PDE4B: variants seen among roughly 807,000 people sequenced by gnomAD.
The protein encoded by PDE4B is phosphodiesterase 4B.
In PDE4B, 20 loss-of-function variants were observed where a neutral mutation model predicts 82.2. That is an observed-to-expected ratio of 0.24 (90% CI 0.17 to 0.35). The LOEUF is 0.35. PDE4B is among the 10% of genes least tolerant of loss of function. The probability of loss-of-function intolerance (pLI) is 1.00; values close to 1 mark genes in which losing one functional copy is unlikely to be tolerated. For synonymous variants in PDE4B, 320 were observed against 318.9 expected, an observed-to-expected ratio of 1.00 and a Z score of -0.04; for missense variants, 655 against 907.2, an observed-to-expected ratio of 0.72 and a Z score of 3.57.
At position 66,099,088 on chromosome 1, in the gene PDE4B, G is replaced by A. The variant is rs137955165; in HGVS notation, c.282-148372G>A. The stretch of plus-strand genomic sequence containing the variant: ...GTGCAGGTTTGTTACATAGGTAAAC[G>A]TGTGCTATGGTGGTTTGCTGCACCT... On this transcript the variant is annotated intron_variant, in intron 3 of 16. Transcript: ENST00000341517. Among the ~76,000 whole-genome samples, 87 of 152,206 alleles carry A rather than the reference G, an allele frequency of 5.7e-4. 1 individual carries two copies. Among genetic ancestry groups the A allele is most frequent in the East Asian group, 2.1e-3 (11 of 5,178 alleles).
chr1:66,162,305 C>CTTTTT (rs1168144080), intron 3 of PDE4B, among the ~76,000 whole-genome samples: 1,028 of 39,594 alleles, frequency 0.026, 164 homozygotes, highest in Non-Finnish European at 0.039. Flanking sequence ...ATGGACTTCT[C>CTTTTT]TTTTTTTTTT....
chr1:65,840,670 T>C (rs1010967659), intron 1 of PDE4B, among the ~76,000 whole-genome samples: 6 of 152,198 alleles, frequency 3.9e-5, no homozygotes, highest in African/African-American at 1.2e-4. Context: ...CTCAGATCGT[T>C]AGCTACGAGA....
intron 8 of PDE4B, among the ~76,000 whole-genome samples, chr1:66,347,953 A>C (rs1297290672): frequency 6.6e-6 from 1 of 152,196 alleles, no homozygotes; most frequent in African/African-American, 2.4e-5. Context: ...TTTGAGTGGT[A>C]GTTTCCCTGT....
At chr1:66,291,138 A>G (rs1317271934) in intron 7 of PDE4B, among the ~76,000 whole-genome samples, 2 of 152,174 alleles carry the variant, frequency 1.3e-5, no homozygotes, top group Non-Finnish European at 1.5e-5. Flanking sequence ...TTTACTGAGC[A>G]TGTCTTTTAT....
At chr1:66,092,932 G>A (rs929461172) in intron 3 of PDE4B, among the ~76,000 whole-genome samples, 1 of 152,088 alleles carries the variant, frequency 6.6e-6, no homozygotes, top group African/African-American at 2.4e-5. Flanking sequence ...TATAGGCCAT[G>A]TTGAGCATTT....
chr1:65,975,826 G>T (rs757686536), intron 3 of PDE4B, among the ~76,000 whole-genome samples: 1 of 152,226 alleles, frequency 6.6e-6, no homozygotes, highest in Non-Finnish European at 1.5e-5. Flanking sequence ...CAGAAGACAG[G>T]AGTTGAGGAT....
intron 1 of PDE4B, among the ~76,000 whole-genome samples, chr1:65,834,130 C>T (rs60465503): frequency 0.032 from 4,812 of 152,228 alleles, 197 homozygotes; most frequent in East Asian, 0.079. Context: ...CTGCAACCTC[C>T]GCCTCCCGGG....
chr1:66,194,241 T>C (rs1648079747), intron 3 of PDE4B, among the ~76,000 whole-genome samples: 1 of 152,130 alleles, frequency 6.6e-6, no homozygotes, highest in South Asian at 2.1e-4. Context: ...ACTTACCTTT[T>C]GCACATATGG....
At position 66,202,987 on chromosome 1, in the gene PDE4B, G is replaced by A. The variant is rs568444488; in HGVS notation, c.282-44473G>A. 6.2e-3 allele frequency among the ~76,000 whole-genome samples: 940 copies of A among 152,010 alleles called. 10 individuals are homozygous for A. The highest frequency in any genetic ancestry group is 0.022 in the African/African-American group (892 of 41,410). On this transcript the variant is annotated intron_variant, in intron 3 of 16. Coordinates refer to ENST00000341517, the MANE Select transcript of PDE4B (RefSeq NM_002600.4). ...GCATGTTTTTGCAGTGGCTGATACC[G>A]GTTGTTCATTTCCATGTTTAGTGCT...
At chr1:65,905,286 A>G (rs936818791) in intron 1 of PDE4B, among the ~76,000 whole-genome samples, 6 of 152,186 alleles carry the variant, frequency 3.9e-5, no homozygotes, top group Non-Finnish European at 8.8e-5. Context: ...TCAAAGCTGA[A>G]GGCTGAAGAA....
At chr1:65,812,258 GT>G (rs1251840403) in intron 1 of PDE4B, among the ~76,000 whole-genome samples, 1 of 152,130 alleles carries the variant, frequency 6.6e-6, no homozygotes, top group Non-Finnish European at 1.5e-5. Flanking sequence ...TTGGCTTTCA[GT>G]TTCTGCTCTG....
Position 66,118,710 on chromosome 1 carries a change from T to C in PDE4B, c.282-128750T>C, listed in dbSNP as rs182449034. ...TGCACATGTACCCTAAAACTTAAAA[T>C]ATAATTAAAAAAAAACCAAACCCTA... On this transcript the variant is annotated intron_variant, in intron 3 of 16. Coordinates refer to ENST00000341517, the MANE Select transcript of PDE4B (RefSeq NM_002600.4). 5.3e-4 allele frequency among the ~76,000 whole-genome samples: 80 copies of C among 152,272 alleles called. 2 individuals carry two copies. Among genetic ancestry groups the C allele is most frequent in the Non-Finnish European group, 7.4e-5 (5 of 68,012 alleles).
intron 3 of PDE4B, among the ~76,000 whole-genome samples, chr1:65,980,857 T>C (rs908271238): frequency 3.2e-4 from 49 of 152,054 alleles, no homozygotes; most frequent in Non-Finnish European, 1.0e-4. Context: ...TGAGAAAAAT[T>C]TAAAAAGATT....
chr1:65,874,906 C>T (rs889538911), intron 1 of PDE4B, among the ~76,000 whole-genome samples: 74 of 151,878 alleles, frequency 4.9e-4, no homozygotes, highest in African/African-American at 1.7e-3. Context: ...ACTTCATGTC[C>T]AAAACACCAA....
chr1:66,062,133 A>C (rs1458031919), intron 3 of PDE4B, among the ~76,000 whole-genome samples: 2 of 152,202 alleles, frequency 1.3e-5, no homozygotes, highest in South Asian at 2.1e-4. Flanking sequence ...AACATTGCTG[A>C]TATTCTATAT....
At chr1:66,182,029 G>C (rs1447978162) in intron 3 of PDE4B, among the ~76,000 whole-genome samples, 2 of 152,020 alleles carry the variant, frequency 1.3e-5, no homozygotes, top group Non-Finnish European at 2.9e-5. Flanking sequence ...AGGCAAGAAA[G>C]ACCATTCCTC....
chr1:65,963,029 A>G (rs1649625220), intron 3 of PDE4B, among the ~76,000 whole-genome samples: 1 of 152,128 alleles, frequency 6.6e-6, no homozygotes, highest in Non-Finnish European at 1.5e-5. Flanking sequence ...TGTTGTAAAT[A>G]CTCTCACCAT....
At chr1:65,825,932 T>C (rs1646012313) in intron 1 of PDE4B, among the ~76,000 whole-genome samples, 1 of 152,202 alleles carries the variant, frequency 6.6e-6, no homozygotes, top group African/African-American at 2.4e-5. Flanking sequence ...GTGATGGTTT[T>C]ATCATCTTTA....
At chr1:66,001,234 A>G (rs1651846097) in intron 3 of PDE4B, among the ~76,000 whole-genome samples, 2 of 152,206 alleles carry the variant, frequency 1.3e-5, no homozygotes, top group African/African-American at 4.8e-5. Flanking sequence ...AAAATTTCAA[A>G]GTTGAAAGAA....
Sources: allele counts gnomAD v4.1 joint callset (sites outside exome capture counted in the v4.1 genomes callset), GRCh38; gene constraint gnomAD v4.1.1; transcripts MANE v1.5; gene names NCBI Gene and HGNC (gene_info 2026-07-23, HGNC 2026-07-21).